Variants in CDH9 observed in about 807,000 individuals in gnomAD.
CDH9 encodes the protein cadherin-9.
In CDH9, 28 loss-of-function variants were observed where a neutral mutation model predicts 70.9. The ratio of observed to expected loss-of-function variants is 0.40; its 90% CI spans 0.29 to 0.54. CDH9 has a LOEUF of 0.54. Among genes scored for constraint, CDH9 ranks in the 20% least tolerant of loss-of-function variants. CDH9 has a pLI of 0.59. For missense variants in CDH9, 874 were observed against 984.4 expected, an observed-to-expected ratio of 0.89 and a Z score of 1.50; for synonymous variants, 409 against 343.1, an observed-to-expected ratio of 1.19 and a Z score of -2.12.
chr5:26,934,917 CA>C (rs1741531620), intron 2 of CDH9, among the ~76,000 whole-genome samples: 1 of 139,092 alleles, frequency 7.2e-6, no homozygotes, highest in African/African-American at 2.5e-5. Flanking sequence ...TACTCTAATA[CA>C]AAAATAAAGA....
chr5:26,937,616 C>T (rs1368976809), intron 2 of CDH9, among the ~76,000 whole-genome samples: 3 of 152,026 alleles, frequency 2.0e-5, no homozygotes, highest in African/African-American at 7.2e-5. Context: ...CATGGTACAT[C>T]CCTATAATGG....
chr5:27,030,162 C>T (rs1743286735), intron 1 of CDH9, among the ~76,000 whole-genome samples: 1 of 151,930 alleles, frequency 6.6e-6, no homozygotes. Context: ...AAGTACTTCT[C>T]CTCGTTCTAC....
chr5:26,982,743 C>CGGCTCACT (rs1742420558), intron 2 of CDH9, among the ~76,000 whole-genome samples: 1 of 151,880 alleles, frequency 6.6e-6, no homozygotes, highest in African/African-American at 2.4e-5. Context: ...GGCTCGATCT[C>CGGCTCACT]GGCTCACTGG....
At chr5:26,998,932 A>T (rs998382336) in intron 1 of CDH9, among the ~76,000 whole-genome samples, 1 of 151,956 alleles carries the variant, frequency 6.6e-6, no homozygotes, top group African/African-American at 2.4e-5. Flanking sequence ...ACAAAATAAG[A>T]TATGCATCTA....
chr5:26,970,472 CAT>C (rs763391658), intron 2 of CDH9, among the ~76,000 whole-genome samples: 38 of 152,018 alleles, frequency 2.5e-4, no homozygotes, highest in Non-Finnish European at 4.0e-4. Context: ...TATGTATACA[CAT>C]ACACATGATT....
intron 2 of CDH9, among the ~76,000 whole-genome samples, chr5:26,967,195 C>T (rs1742144654): frequency 6.6e-6 from 1 of 152,204 alleles, no homozygotes; most frequent in South Asian, 2.1e-4. Context: ...CTCAGGTGAT[C>T]CTCCTGCCTA....
chr5:26,945,593 CAAAT>C (rs1399470571), intron 2 of CDH9, among the ~76,000 whole-genome samples: 1 of 152,042 alleles, frequency 6.6e-6, no homozygotes, highest in African/African-American at 2.4e-5. Flanking sequence ...ACTTGCTCCT[CAAAT>C]AGCTTAAGAA....
intron 2 of CDH9, among the ~76,000 whole-genome samples, chr5:26,946,232 G>A (rs1741749728): frequency 6.6e-6 from 1 of 152,094 alleles, no homozygotes; most frequent in Admixed American, 6.6e-5. Flanking sequence ...TCTCAATGCA[G>A]GAAGGAAGAT....
At chr5:27,016,207 T>C (rs1743043441) in intron 1 of CDH9, among the ~76,000 whole-genome samples, 1 of 151,804 alleles carries the variant, frequency 6.6e-6, no homozygotes, top group Non-Finnish European at 1.5e-5. Flanking sequence ...TAATCAACTT[T>C]ATCTTGGATT....
At chr5:26,933,899 T>C (rs67573057) in intron 2 of CDH9, among the ~76,000 whole-genome samples, 33,731 of 152,066 alleles carry the variant, frequency 0.22, 3,897 homozygotes, top group South Asian at 0.37. Context: ...AAACAAATAT[T>C]ATAAACAATT....
intron 2 of CDH9, among the ~76,000 whole-genome samples, chr5:26,964,304 A>G (rs1400716031): frequency 6.6e-6 from 1 of 152,164 alleles, no homozygotes; most frequent in Non-Finnish European, 1.5e-5. Flanking sequence ...AAGACCACCA[A>G]AAAGAAACAG....
intron 2 of CDH9, among the ~76,000 whole-genome samples, chr5:26,952,952 A>G (rs1253744056): frequency 6.6e-6 from 1 of 150,834 alleles, no homozygotes; most frequent in Non-Finnish European, 1.5e-5. Context: ...AAAGTTGAAA[A>G]GTGAGTCAAT....
At chr5:26,890,039 A>G (rs1406759986) in intron 8 of CDH9, 82 bp from the exon 9 acceptor site, 36 of 1,309,886 alleles carry the variant, frequency 2.7e-5, no homozygotes, top group Non-Finnish European at 3.9e-5. Context: ...GCTTAGCAAC[A>G]GATCCTTTTT....
chr5:27,000,284 T>G (rs577972770), intron 1 of CDH9, among the ~76,000 whole-genome samples: 2 of 152,204 alleles, frequency 1.3e-5, no homozygotes, highest in African/African-American at 4.8e-5. Context: ...TTTTTTGCAG[T>G]TAGTGAATTG....
intron 3 of CDH9, among the ~76,000 whole-genome samples, chr5:26,910,608 A>C (rs1481215476): frequency 6.6e-6 from 1 of 152,224 alleles, no homozygotes; most frequent in African/African-American, 2.4e-5. Flanking sequence ...AAGAAACAGA[A>C]TCACTCTATG....
intron 2 of CDH9, among the ~76,000 whole-genome samples, chr5:26,968,819 G>C (rs1473336461): frequency 5.9e-5 from 9 of 152,040 alleles, no homozygotes; most frequent in Admixed American, 5.9e-4. Context: ...TATTAGTACT[G>C]TTCCTTAATA....
intron 3 of CDH9, among the ~76,000 whole-genome samples, chr5:26,908,728 C>A (rs973878414): frequency 6.6e-6 from 1 of 152,166 alleles, no homozygotes; most frequent in Non-Finnish European, 1.5e-5. Context: ...GAAATAAACT[C>A]TATGATGTGG....
At chr5:26,921,071 A>G (rs1741235419) in intron 2 of CDH9, among the ~76,000 whole-genome samples, 1 of 152,208 alleles carries the variant, frequency 6.6e-6, no homozygotes, top group Non-Finnish European at 1.5e-5. Flanking sequence ...CCTTTCAAAC[A>G]GAGGATTCAT....
At chr5:26,921,302 A>G (rs781238966) in intron 2 of CDH9, among the ~76,000 whole-genome samples, 1 of 152,198 alleles carries the variant, frequency 6.6e-6, no homozygotes, top group Non-Finnish European at 1.5e-5. Context: ...ATAGCTTATA[A>G]GGAAGAGAAG....
Sources: allele counts gnomAD v4.1 joint callset (sites outside exome capture counted in the v4.1 genomes callset), GRCh38; gene constraint gnomAD v4.1.1; transcripts MANE v1.5; gene names NCBI Gene and HGNC (gene_info 2026-07-23, HGNC 2026-07-21).